Variants in ADGRL3 observed in about 807,000 individuals in gnomAD.
The protein encoded by ADGRL3 is adhesion G protein-coupled receptor L3.
A neutral mutation model predicts 153.5 loss-of-function variants in ADGRL3; 62 were observed. The observed-to-expected ratio is 0.40, with a 90% CI of 0.33 to 0.50. The LOEUF (loss-of-function observed/expected upper bound fraction) is 0.50. Ranked by LOEUF, ADGRL3 falls within the 20% of genes least tolerant of loss-of-function variation. The probability of loss-of-function intolerance (pLI) is 0.47; values close to 1 mark genes in which losing one functional copy is unlikely to be tolerated. For missense variants in ADGRL3, 1,641 were observed against 1,859.4 expected, an observed-to-expected ratio of 0.88 and a Z score of 2.16; for synonymous variants, 710 against 672.5, an observed-to-expected ratio of 1.06 and a Z score of -0.86.
At chr4:62,028,971 C>T in intron 22 of ADGRL3, 90 bp downstream of exon 22, 1 of 1,149,486 alleles carries the variant, frequency 8.7e-7, no homozygotes, top group Non-Finnish European at 1.3e-6. Flanking sequence ...ATCATTAGAG[C>T]TTCTGTCATT....
chr4:61,555,467 T>C (rs1458476036), intron 4 of ADGRL3, among the ~76,000 whole-genome samples: 1 of 152,126 alleles, frequency 6.6e-6, no homozygotes, highest in African/African-American at 2.4e-5. Context: ...TCTGTTTCAG[T>C]AAATATTAAA....
intron 8 of ADGRL3, among the ~76,000 whole-genome samples, chr4:61,790,483 C>T (rs550574948): frequency 4.6e-5 from 7 of 152,084 alleles, no homozygotes; most frequent in Admixed American, 4.6e-4. Context: ...AAATTAGGAA[C>T]AGTAAAAGAT....
intron 3 of ADGRL3, among the ~76,000 whole-genome samples, chr4:61,504,284 T>C (rs1481275548): frequency 6.6e-6 from 1 of 152,206 alleles, no homozygotes; most frequent in Non-Finnish European, 1.5e-5. Context: ...TGTGAAGCAC[T>C]GTACCCAGCC....
chr4:61,607,415 G>T (rs890603985), intron 5 of ADGRL3, among the ~76,000 whole-genome samples: 9 of 152,108 alleles, frequency 5.9e-5, no homozygotes, highest in African/African-American at 1.9e-4. Flanking sequence ...TGACCAATAT[G>T]GTGAAACCCC....
chr4:61,314,481 T>C (rs2095134565), intron 1 of ADGRL3, among the ~76,000 whole-genome samples: 1 of 152,210 alleles, frequency 6.6e-6, no homozygotes, highest in Admixed American at 6.5e-5. Flanking sequence ...GTGCTGGGAT[T>C]ATAGGCGTGA....
chr4:61,378,122 G>A (rs2096626256), intron 1 of ADGRL3, among the ~76,000 whole-genome samples: 1 of 151,640 alleles, frequency 6.6e-6, no homozygotes, highest in Admixed American at 6.6e-5. Flanking sequence ...AGCCTATTTG[G>A]GGATGGGAGA....
chr4:61,952,653 CTA>C (rs1269156988), intron 17 of ADGRL3, among the ~76,000 whole-genome samples: 1 of 152,112 alleles, frequency 6.6e-6, no homozygotes, highest in Admixed American at 6.6e-5. Flanking sequence ...ACTACAAACT[CTA>C]TTTTGTCAGA....
intron 2 of ADGRL3, among the ~76,000 whole-genome samples, chr4:61,424,373 GT>G (rs1184839452): frequency 2.0e-5 from 3 of 152,114 alleles, no homozygotes; most frequent in African/African-American, 7.2e-5. Context: ...GGTCCTCTTA[GT>G]GGGGAAACTT....
chr4:61,349,069 T>C (rs1169396903), intron 1 of ADGRL3, among the ~76,000 whole-genome samples: 1 of 152,014 alleles, frequency 6.6e-6, no homozygotes, highest in East Asian at 1.9e-4. Flanking sequence ...TGCCTTGAAA[T>C]ATTTATCTTA....
At chr4:61,725,824 G>A (rs2096324903) in intron 6 of ADGRL3, among the ~76,000 whole-genome samples, 1 of 152,072 alleles carries the variant, frequency 6.6e-6, no homozygotes, top group South Asian at 2.1e-4. Flanking sequence ...TATGTTGTGA[G>A]CATATGGTAT....
At chr4:61,720,403 T>C (rs562802349) in intron 6 of ADGRL3, among the ~76,000 whole-genome samples, 1 of 152,194 alleles carries the variant, frequency 6.6e-6, no homozygotes. Flanking sequence ...GACACTTTTT[T>C]AAGATAAGTT....
At chr4:61,538,448 T>G (rs766480023) in intron 4 of ADGRL3, among the ~76,000 whole-genome samples, 34 of 152,124 alleles carry the variant, frequency 2.2e-4, no homozygotes, top group Non-Finnish European at 3.5e-4. Flanking sequence ...GTTTGTTTGT[T>G]TTTTTGTTGA....
chr4:61,990,395 T>C lies in ADGRL3; in HGVS notation c.3237-5896T>C, dbSNP rs72640012. Among the ~76,000 whole-genome samples the C allele has an allele frequency of 2.5e-3, 385 of 152,020 alleles. 2 individuals carry two copies. The highest frequency in any genetic ancestry group is 4.1e-3 in the Admixed American group (63 of 15,252). On this transcript the variant is annotated intron_variant, in intron 19 of 26. Coordinates refer to ENST00000683033, the MANE Select transcript of ADGRL3 (RefSeq NM_001387552.1). ...ATTGGGGAGACTGTGGATGGATCAT[T>C]GTAGAGCAGTGGGAGGTTGAAAATG...
intron 8 of ADGRL3, among the ~76,000 whole-genome samples, chr4:61,810,598 A>G (rs1249844577): frequency 6.6e-6 from 1 of 152,128 alleles, no homozygotes; most frequent in African/African-American, 2.4e-5. Context: ...ATAAAATAGA[A>G]ATTAAATGAA....
intron 9 of ADGRL3, among the ~76,000 whole-genome samples, chr4:61,889,583 G>GA (rs943850259): frequency 4.6e-5 from 7 of 151,754 alleles, no homozygotes; most frequent in South Asian, 2.1e-4. Flanking sequence ...GGTAATTTTA[G>GA]AAAAAAAATA....
At chr4:61,663,574 G>A (rs1256430248) in intron 5 of ADGRL3, among the ~76,000 whole-genome samples, 2 of 152,160 alleles carry the variant, frequency 1.3e-5, no homozygotes, top group African/African-American at 2.4e-5. Flanking sequence ...TAGGCCAGTA[G>A]CACAAGCTGA....
intron 2 of ADGRL3, among the ~76,000 whole-genome samples, chr4:61,455,225 A>G (rs1055756929): frequency 7.9e-5 from 12 of 152,160 alleles, no homozygotes; most frequent in Admixed American, 6.6e-4. Context: ...CTGAGAGAAG[A>G]TCATATGAAG....
At position 61,442,232 on chromosome 4, in the gene ADGRL3, C is replaced by T. The variant is rs185445280; in HGVS notation, c.-173-54889C>T. 3.3e-5 allele frequency among the ~76,000 whole-genome samples: 5 copies of T among 152,082 alleles called. No homozygotes were observed. The East Asian group carries it at 7.7e-4, about 24-fold the overall frequency. On this transcript the variant is annotated intron_variant, in intron 2 of 26. Coordinates refer to ENST00000683033, the MANE Select transcript of ADGRL3 (RefSeq NM_001387552.1). ...TGGAAGAGTTATATCTAAGTTGAAC[C>T]CTGAGGCATAAATCGGAATATGAGA...
intron 2 of ADGRL3, among the ~76,000 whole-genome samples, chr4:61,403,390 C>T (rs2152147878): frequency 6.6e-6 from 1 of 152,090 alleles, no homozygotes; most frequent in South Asian, 2.1e-4. Flanking sequence ...ATAGAATCAG[C>T]CACCATTTGC....
Sources: allele counts gnomAD v4.1 joint callset (sites outside exome capture counted in the v4.1 genomes callset), GRCh38; gene constraint gnomAD v4.1.1; transcripts MANE v1.5; gene names NCBI Gene and HGNC (gene_info 2026-07-23, HGNC 2026-07-21).